The following DAP variants were observed in gnomAD, a reference collection of about 807,000 sequenced individuals.
DAP encodes death associated protein.
DAP carries 8 observed loss-of-function variants against 13.8 expected under a neutral mutation model. That is an observed-to-expected ratio of 0.58 (90% CI 0.34 to 1.05). The LOEUF (loss-of-function observed/expected upper bound fraction) is 1.05, where lower values mean the gene tolerates loss of function less well. Ranked by LOEUF, DAP falls within the 50% of genes least tolerant of loss-of-function variation. The pLI, the probability that DAP is intolerant of heterozygous loss-of-function variation, is 0.03. For synonymous variants in DAP, 47 were observed against 47.5 expected (o/e 0.99, Z 0.04); for missense variants, 106 against 133.2 (o/e 0.80, Z 1.01).
chr5:10,699,566 G>A lies in DAP; in HGVS notation c.153-15995C>T, dbSNP rs954086813. On this transcript the variant is annotated intron_variant, in intron 2 of 3. Coordinates refer to ENST00000230895, the MANE Select transcript of DAP (RefSeq NM_004394.3). ...GGGCTGTCTCTATTTTGATGTGGCC[G>A]GTCTCTGTGGCAACCCCATGAAAAC... is the stretch of plus-strand genomic sequence containing the variant. Among the ~76,000 whole-genome samples, 7 of 152,318 alleles carry A rather than the reference G, an allele frequency of 4.6e-5. No individual in the cohort carries two copies. The East Asian group carries it at 7.7e-4, about 17-fold the overall frequency.
chr5:10,734,854 C>T (rs1739564398), intron 2 of DAP, among the ~76,000 whole-genome samples: 1 of 152,218 alleles, frequency 6.6e-6, no homozygotes, highest in Non-Finnish European at 1.5e-5. Context: ...ATTCTATTTA[C>T]ATTTATTTTT....
chr5:10,710,470 AG>A (rs1738819555), intron 2 of DAP, among the ~76,000 whole-genome samples: 1 of 152,192 alleles, frequency 6.6e-6, no homozygotes. Flanking sequence ...CAGAACCATG[AG>A]GGGGCCACAG....
At chr5:10,709,037 T>G (rs1738774716) in intron 2 of DAP, among the ~76,000 whole-genome samples, 1 of 152,270 alleles carries the variant, frequency 6.6e-6, no homozygotes, top group Non-Finnish European at 1.5e-5. Flanking sequence ...TCCTCCTTTG[T>G]GCTTTCAGTC....
intron 2 of DAP, among the ~76,000 whole-genome samples, chr5:10,690,063 C>G (rs979593892): frequency 3.9e-5 from 6 of 152,270 alleles, no homozygotes; most frequent in East Asian, 3.9e-4. Flanking sequence ...AAGAAAAGAA[C>G]CCCATGTGTC....
intron 2 of DAP, among the ~76,000 whole-genome samples, chr5:10,694,240 G>A (rs1282801323): frequency 1.3e-5 from 2 of 152,316 alleles, no homozygotes; most frequent in South Asian, 4.1e-4. Context: ...GTGTGGGCTA[G>A]AGTGTTGGAT....
At chr5:10,740,382 A>G (rs1450526453) in intron 2 of DAP, among the ~76,000 whole-genome samples, 1 of 152,344 alleles carries the variant, frequency 6.6e-6, no homozygotes, top group African/African-American at 2.4e-5. Flanking sequence ...TTTTGAAAAG[A>G]CAATGGCCAA....
At chr5:10,727,527 G>A (rs267972) in intron 2 of DAP, among the ~76,000 whole-genome samples, 78,069 of 152,000 alleles carry the variant, frequency 0.51, 22,129 homozygotes, top group Non-Finnish European at 0.64. Context: ...ATGCTCAAGG[G>A]CCCGACTTCA....
rs1246451030 is a variant in DAP at position 10,748,170 on chromosome 5, C to A, written c.152+5G>T. On this transcript the variant is annotated splice_donor_5th_base_variant and intron_variant, in intron 2 of 3. Coordinates refer to ENST00000230895, the MANE Select transcript of DAP (RefSeq NM_004394.3). The stretch of plus-strand genomic sequence containing the variant: ...CATGCTCAAGAGTCGCTAGCATCAT[C>A]CCACCTGGGGCTTTCCCATTCCTGG... 6.2e-7 allele frequency: 1 copy of A among 1,602,598 alleles called. No individual in the cohort carries two copies. Among genetic ancestry groups the A allele is most frequent in the East Asian group, 2.2e-5 (1 of 44,820 alleles).
chr5:10,743,181 G>GT (rs1739804283), intron 2 of DAP, among the ~76,000 whole-genome samples: 2 of 152,162 alleles, frequency 1.3e-5, no homozygotes, highest in Non-Finnish European at 2.9e-5. Context: ...TTTATGCATA[G>GT]TTTTTTATTG....
In DAP at chr5:10,688,331, C is replaced by A. The variant is rs1394135025; in HGVS notation, c.153-4760G>T. On this transcript the variant is annotated intron_variant, in intron 2 of 3. Transcript: ENST00000230895. ...ACCCTCTACCAACAAAAAGACTGAG[C>A]CTCACTGAAGGCTCAGATGATCATT... is the stretch of plus-strand genomic sequence containing the variant. 2.0e-5 allele frequency among the ~76,000 whole-genome samples: 3 copies of A among 152,146 alleles called. No individual in the cohort carries two copies. The East Asian group carries it at 5.8e-4, about 29-fold the overall frequency.
At chr5:10,748,721 C>T (rs764209980) in intron 1 of DAP, among the ~76,000 whole-genome samples, 2 of 152,194 alleles carry the variant, frequency 1.3e-5, no homozygotes, top group African/African-American at 2.4e-5. Flanking sequence ...ACTGTGCCTT[C>T]ACAGAGCCCA....
At chr5:10,750,967 T>C (rs1336413165) in intron 1 of DAP, among the ~76,000 whole-genome samples, 1 of 152,230 alleles carries the variant, frequency 6.6e-6, no homozygotes, top group Non-Finnish European at 1.5e-5. Context: ...ACAGTACAAA[T>C]ACGAACTGAA....
intron 2 of DAP, among the ~76,000 whole-genome samples, chr5:10,745,477 T>G (rs554784212): frequency 6.6e-6 from 1 of 152,316 alleles, no homozygotes; most frequent in South Asian, 2.1e-4. Flanking sequence ...TCTCTAGAGA[T>G]AGAGAACAAA....
At chr5:10,722,734 A>G (rs1039038098) in intron 2 of DAP, among the ~76,000 whole-genome samples, 2 of 151,946 alleles carry the variant, frequency 1.3e-5, no homozygotes, top group Admixed American at 1.3e-4. Context: ...AATGAAAACT[A>G]TATGGGGGAA....
intron 2 of DAP, among the ~76,000 whole-genome samples, chr5:10,747,725 G>A (rs1270781368): frequency 2.0e-5 from 3 of 152,302 alleles, no homozygotes; most frequent in South Asian, 2.1e-4. Flanking sequence ...TGCCTACTTC[G>A]TCCACTCTGG....
intron 2 of DAP, among the ~76,000 whole-genome samples, chr5:10,744,874 G>A (rs1739862002): frequency 6.6e-6 from 1 of 152,154 alleles, no homozygotes; most frequent in Admixed American, 6.5e-5. Context: ...CACCAGCACT[G>A]GAATGCTGGC....
intron 2 of DAP, among the ~76,000 whole-genome samples, chr5:10,691,640 A>G (rs1011995815): frequency 6.6e-6 from 1 of 152,212 alleles, no homozygotes; most frequent in African/African-American, 2.4e-5. Context: ...AAGATGCAAC[A>G]TTATTTTCTC....
intron 2 of DAP, among the ~76,000 whole-genome samples, chr5:10,688,330 G>GCC: frequency 6.6e-6 from 1 of 152,270 alleles, no homozygotes; most frequent in Admixed American, 6.5e-5. Context: ...AAAAGACTGA[G>GCC]CCTCACTGAA....
intron 3 of DAP, chr5:10,683,254 T>C (rs779510246): frequency 3.8e-6 from 2 of 526,696 alleles, no homozygotes; most frequent in Non-Finnish European, 6.8e-6. Flanking sequence ...GGGGGTTTGC[T>C]GATGGGAGTT....
Sources: gnomAD v4.1 joint callset for allele counts (sites outside exome capture counted in the v4.1 genomes callset) on GRCh38, gnomAD v4.1.1 for gene constraint, MANE v1.5 for transcripts, NCBI Gene and HGNC (gene_info 2026-07-23, HGNC 2026-07-21) for gene names.